Variants in BMPR1A observed in about 807,000 individuals in gnomAD.
BMPR1A encodes the protein bone morphogenetic protein receptor type 1A.
In BMPR1A, 7 loss-of-function variants were observed where a neutral mutation model predicts 66.0. The observed-to-expected ratio is 0.11, with a 90% CI of 0.06 to 0.20. The LOEUF (loss-of-function observed/expected upper bound fraction) is 0.20. BMPR1A is among the 10% of genes least tolerant of loss of function. The pLI is 1.00. For missense variants in BMPR1A, 408 were observed against 669.1 expected (o/e 0.61, Z 4.31); for synonymous variants, 200 against 229.7 (o/e 0.87, Z 1.17).
intron 8 of BMPR1A, among the ~76,000 whole-genome samples, chr10:86,914,719 A>C (rs1021758207): frequency 6.6e-6 from 1 of 152,234 alleles, no homozygotes; most frequent in Admixed American, 6.5e-5. Context: ...AGTGGTGCCA[A>C]AGATGTAGAT....
In BMPR1A at chr10:86,810,340, G is replaced by A. The variant is rs77807187; in HGVS notation, c.-267-28525G>A. On this transcript the variant is annotated intron_variant, in intron 1 of 12. Coordinates refer to ENST00000372037, the MANE Select transcript of BMPR1A (RefSeq NM_004329.3). ...TCATTCGTTGGTTGATAAGGCATTT[G>A]GGTTATTTTCACCTTTTGGCTGTTG... 1.1e-3 allele frequency among the ~76,000 whole-genome samples: 168 copies of A among 152,202 alleles called. 5 individuals are homozygous for A. In the East Asian group the frequency reaches 0.03, roughly 27 times the overall value.
In BMPR1A at chr10:86,917,191, T is replaced by A. The variant is rs369012159; in HGVS notation, c.733T>A (p.Tyr245Asn). The A allele has an allele frequency of 2.7e-5, 43 of 1,614,088 alleles. No individual in the cohort carries two copies. Among genetic ancestry groups the A allele is most frequent in the Non-Finnish European group, 3.4e-5 (40 of 1,179,988 alleles). The change falls in exon 9 of 13, where the codon TAT becomes AAT. Residue 245 changes from tyrosine (Y) to asparagine (N), a missense_variant. Transcript: ENST00000372037. Reference sequence around the variant, plus strand: ...GGTCCGGCAAGTTGGTAAAGGCCGATATGGAGAAGTATGGATGGGCAAATG... The same window carrying A: ...GGTCCGGCAAGTTGGTAAAGGCCGAAATGGAGAAGTATGGATGGGCAAATG... ...QMVRQVGKGR[Y>N]GEVWMGKWRG... is the part of the protein sequence containing the mutation.
At chr10:86,930,197 G>A (rs748328834), downstream of BMPR1A, 2 of 152,276 alleles carry the variant, frequency 1.3e-5, no homozygotes, top group African/African-American at 2.4e-5. Context: ...TCCAGATGGC[G>A]GCTTATTTCA....
At chr10:86,809,253 T>C (rs1331911395) in intron 1 of BMPR1A, among the ~76,000 whole-genome samples, 2 of 152,134 alleles carry the variant, frequency 1.3e-5, no homozygotes, top group African/African-American at 4.8e-5. Context: ...ATCACTACTA[T>C]GTATTTTCAG....
rs1030790482 is a variant in BMPR1A, at chr10:86,919,109, G to C, written c.869-63G>C. 4.2e-5 allele frequency: 66 copies of C among 1,584,812 alleles called. No homozygotes were observed. In the Admixed American group the frequency reaches 1.1e-3, roughly 26 times the overall value. ...AAGTTTTTCTCAGTATCCAGAATGA[G>C]CATTACTTCTCCCTAGCCTATCTCT... On this transcript the variant is annotated intron_variant, in intron 9 of 12. Coordinates refer to ENST00000372037, the MANE Select transcript of BMPR1A (RefSeq NM_004329.3).
At chr10:86,819,155 TTTATTA>T (rs10606191) in intron 1 of BMPR1A, among the ~76,000 whole-genome samples, 1 of 151,424 alleles carries the variant, frequency 6.6e-6, no homozygotes, top group African/African-American at 2.4e-5. Flanking sequence ...TGGCTACTTA[TTTATTA>T]TTATTATTAC....
At chr10:86,916,998 A>T (rs958247952) in intron 8 of BMPR1A, 136 bp from the exon 9 acceptor site, 109 of 1,006,558 alleles carry the variant, frequency 1.1e-4, no homozygotes, top group Non-Finnish European at 1.6e-4. Flanking sequence ...ATCTCAAAAA[A>T]AAAAAAGTAC....
chr10:86,929,117 T>G (rs1296236472), downstream of BMPR1A: 1 of 152,174 alleles, frequency 6.6e-6, no homozygotes, highest in East Asian at 1.9e-4. Flanking sequence ...TTTTCATTGT[T>G]TTGAAAAATA....
intron 3 of BMPR1A, among the ~76,000 whole-genome samples, chr10:86,879,157 T>C (rs1260127395): frequency 6.6e-6 from 1 of 152,204 alleles, no homozygotes; most frequent in African/African-American, 2.4e-5. Flanking sequence ...GTGACATCTC[T>C]AAATGTCAGG....
At chr10:86,844,723 G>A (rs2133143543) in intron 2 of BMPR1A, among the ~76,000 whole-genome samples, 1 of 152,184 alleles carries the variant, frequency 6.6e-6, no homozygotes, top group Non-Finnish European at 1.5e-5. Flanking sequence ...AGGAAGGAAG[G>A]CATTTGTGTT....
chr10:86,906,762 A>AAAAAAAAAAAAAC (rs1564720215), intron 7 of BMPR1A, among the ~76,000 whole-genome samples: 1 of 143,468 alleles, frequency 7.0e-6, no homozygotes, highest in Admixed American at 7.3e-5. Context: ...AAAAAAAAAA[A>AAAAAAAAAAAAAC]CACTTTGTCC....
At chr10:86,865,653 A>G (rs989008211) in intron 2 of BMPR1A, among the ~76,000 whole-genome samples, 11 of 152,228 alleles carry the variant, frequency 7.2e-5, no homozygotes, top group African/African-American at 2.7e-4. Flanking sequence ...AAAAGAAATT[A>G]TCTTCCCCTG....
At chr10:86,888,270 C>G (rs1047604480) in intron 3 of BMPR1A, among the ~76,000 whole-genome samples, 1 of 151,602 alleles carries the variant, frequency 6.6e-6, no homozygotes, top group African/African-American at 2.4e-5. Flanking sequence ...TTGAGACCAG[C>G]CTGGCCAACA....
chr10:86,863,769 G>A (rs182698977), intron 2 of BMPR1A, among the ~76,000 whole-genome samples: 1 of 152,052 alleles, frequency 6.6e-6, no homozygotes, highest in Admixed American at 6.6e-5. Flanking sequence ...TTTTGTGGCA[G>A]GGAAGATAGA....
chr10:86,836,128 C>G (rs1302349355), intron 1 of BMPR1A, among the ~76,000 whole-genome samples: 1 of 152,074 alleles, frequency 6.6e-6, no homozygotes, highest in Admixed American at 6.5e-5. Context: ...TGACTAACAC[C>G]CCTGGTGGTT....
At chr10:86,857,573 G>C (rs1256723534) in intron 2 of BMPR1A, among the ~76,000 whole-genome samples, 1 of 152,108 alleles carries the variant, frequency 6.6e-6, no homozygotes, top group Non-Finnish European at 1.5e-5. Context: ...CAAGGTTGCA[G>C]TCAGGAAGTC....
chr10:86,791,686 T>TTCCTTCCTCCCTCCCTCCCTCCCG (rs1841622749), intron 1 of BMPR1A, among the ~76,000 whole-genome samples: 1 of 107,840 alleles, frequency 9.3e-6, no homozygotes. Context: ...CTTTACTTCC[T>TTCCTTCCTCCCTCCCTCCCTCCCG]TCCTCCCTCC....
chr10:86,856,900 A>G (rs1215306279), intron 2 of BMPR1A, among the ~76,000 whole-genome samples: 2 of 152,218 alleles, frequency 1.3e-5, no homozygotes, highest in African/African-American at 4.8e-5. Context: ...AAAGTGGTAT[A>G]CTTAAGTTAC....
intron 1 of BMPR1A, among the ~76,000 whole-genome samples, chr10:86,767,013 AGGGTTTCACCATGTT>A (rs1261932349): frequency 8.6e-5 from 13 of 151,992 alleles, no homozygotes; most frequent in Admixed American, 8.5e-4. Flanking sequence ...TAGTAGAGAC[AGGGTTTCACCATGTT>A]GGTCAGGATG....
Sources: gnomAD v4.1 joint callset for allele counts (sites outside exome capture counted in the v4.1 genomes callset) on GRCh38, gnomAD v4.1.1 for gene constraint, MANE v1.5 for transcripts, NCBI Gene and HGNC (gene_info 2026-07-23, HGNC 2026-07-21) for gene names.